The following DNAH14 variants were observed in gnomAD, a reference collection of about 807,000 sequenced individuals.
DNAH14 encodes the protein axonemal beta dynein heavy chain 14.
Under a neutral mutation model 520.9 loss-of-function variants are expected in DNAH14, and 478 were observed. The observed-to-expected ratio is 0.92, with a 90% confidence interval of 0.85 to 0.99. DNAH14 has a LOEUF of 0.99. DNAH14 is among the 50% of genes least tolerant of loss of function. The pLI, the probability that DNAH14 is intolerant of heterozygous loss-of-function variation, is 0.00. For missense variants in DNAH14, 4,831 were observed against 5,234.5 expected (o/e 0.92, Z 2.38); for synonymous variants, 1,581 against 1,757.2 (o/e 0.90, Z 2.51).
At chr1:225,254,554 CT>C (rs963482287) in intron 44 of DNAH14, among the ~76,000 whole-genome samples, 1 of 152,068 alleles carries the variant, frequency 6.6e-6, no homozygotes, top group African/African-American at 2.4e-5. Flanking sequence ...GAATTGGCTA[CT>C]TTTTGTCACT....
intron 10 of DNAH14, among the ~76,000 whole-genome samples, chr1:225,018,719 C>T (rs2065415636): frequency 1.3e-5 from 2 of 152,192 alleles, no homozygotes; most frequent in South Asian, 4.1e-4. Flanking sequence ...AGAAACCTTA[C>T]AAGTCTACAG....
intron 3 of DNAH14, 116 bp downstream of exon 3, chr1:224,955,214 G>T: frequency 8.8e-7 from 1 of 1,139,204 alleles, no homozygotes; most frequent in Non-Finnish European, 1.3e-6. Flanking sequence ...TGAAATATTA[G>T]TGTCTATTTT....
intron 12 of DNAH14, 122 bp downstream of exon 12, chr1:225,038,945 C>A: frequency 3.2e-6 from 2 of 616,276 alleles, no homozygotes; most frequent in Non-Finnish European, 5.0e-6. Context: ...CCCTCGCCAA[C>A]ACACACACAC....
chr1:224,938,033 A>G (rs1032675676), intron 1 of DNAH14, among the ~76,000 whole-genome samples: 2 of 152,162 alleles, frequency 1.3e-5, no homozygotes, highest in Middle Eastern at 3.2e-3. Context: ...ATCTCTCACC[A>G]TACACAAAAA....
At chr1:225,079,583 A>G (rs952100265) in intron 18 of DNAH14, 35 bp downstream of exon 18, 1 of 1,435,474 alleles carries the variant, frequency 7.0e-7, no homozygotes, top group Non-Finnish European at 9.3e-7. Flanking sequence ...TTTTTTTTTT[A>G]TTAAAAACTT....
chr1:225,016,766 G>A (rs1166829575), intron 10 of DNAH14, among the ~76,000 whole-genome samples: 1 of 149,758 alleles, frequency 6.7e-6, no homozygotes, highest in East Asian at 2.0e-4. Flanking sequence ...GTCTGCCTGT[G>A]TTATTTCAAA....
chr1:225,259,062 G>A, intron 45 of DNAH14, 59 bp from the exon 46 acceptor site: 1 of 1,434,668 alleles, frequency 7.0e-7, no homozygotes. Flanking sequence ...TCATTTTAAT[G>A]TGTTAACATG....
intron 44 of DNAH14, 57 bp from the exon 45 acceptor site, chr1:225,257,903 A>T: frequency 3.3e-4 from 347 of 1,049,702 alleles, no homozygotes; most frequent in Non-Finnish European, 4.3e-4. Flanking sequence ...AAAAAAAAAG[A>T]TGAGGTGAAT....
Position 225,380,231 on chromosome 1 carries a change from G to A in DNAH14, c.12789G>A (p.Val4263=), listed in dbSNP as rs2095763136. 6.4e-7 allele frequency: 1 copy of A among 1,551,530 alleles called. No individual in the cohort carries two copies. The highest frequency in any genetic ancestry group is 8.7e-7 in the Non-Finnish European group (1 of 1,146,984). ...SDLLKRLPLT[V]EKEEIAVGTP... ...TGCTAAAGCGGCTGCCACTGACAGT[G>A]GAGAAAGAAGAAATTGCTGTTGGAA... is the stretch of plus-strand genomic sequence containing the variant. The change falls in exon 80 of 86, where the codon GTG becomes GTA. Residue 4263 remains valine, a synonymous_variant. Coordinates refer to ENST00000682510, the MANE Select transcript of DNAH14 (RefSeq NM_001367479.1).
chr1:225,045,346 C>G (rs2067860998), intron 15 of DNAH14, among the ~76,000 whole-genome samples: 2 of 151,380 alleles, frequency 1.3e-5, no homozygotes, highest in Admixed American at 6.6e-5. Flanking sequence ...TCTGTATACT[C>G]TTTATATGCT....
chr1:225,196,063 G>A (rs2086092475), intron 38 of DNAH14, among the ~76,000 whole-genome samples: 1 of 151,762 alleles, frequency 6.6e-6, no homozygotes, highest in Non-Finnish European at 1.5e-5. Flanking sequence ...GGTGGTATTT[G>A]GATACATGAG....
rs752542634 is a variant in DNAH14, at chr1:225,159,343, A to T, written c.5303A>T (p.Asp1768Val). The T allele has an allele frequency of 8.4e-6, 13 of 1,551,464 alleles. No homozygotes were observed. In the African/African-American group the frequency reaches 1.8e-4, roughly 21 times the overall value. The part of the protein sequence containing the change: ...CDTSDSLSEA[D>V]ETLIVIEAIR... The stretch of plus-strand genomic sequence containing the variant: ...ACCAGTGACAGTCTTTCTGAAGCAG[A>T]TGAAACCTTGATTGTTATCGAGGCT... The change falls in exon 35 of 86, where the codon GAT (aspartate) becomes GTT (valine). Residue 1768 changes from aspartate (D) to valine (V), a missense_variant. Coordinates refer to ENST00000682510, the MANE Select transcript of DNAH14 (RefSeq NM_001367479.1).
chr1:225,318,293 AGGGCATT>A (rs2094501309), intron 60 of DNAH14, among the ~76,000 whole-genome samples: 1 of 152,210 alleles, frequency 6.6e-6, no homozygotes, highest in African/African-American at 2.4e-5. Context: ...ATTCCTCAAA[AGGGCATT>A]GTTAATTCTA....
intron 75 of DNAH14, 96 bp downstream of exon 75, chr1:225,360,987 G>T: frequency 8.9e-7 from 1 of 1,123,576 alleles, no homozygotes; most frequent in Non-Finnish European, 1.3e-6. Flanking sequence ...GTAAACAATA[G>T]CAAAATAATG....
intron 23 of DNAH14, among the ~76,000 whole-genome samples, chr1:225,106,644 G>A (rs566302522): frequency 1.3e-5 from 2 of 151,824 alleles, no homozygotes; most frequent in African/African-American, 2.4e-5. Flanking sequence ...CTTCCATCAC[G>A]GATACTCTTT....
chr1:225,034,806 G>C (rs1013355143), intron 11 of DNAH14, among the ~76,000 whole-genome samples: 7 of 152,066 alleles, frequency 4.6e-5, no homozygotes, highest in Non-Finnish European at 1.0e-4. Context: ...TCTTGTGAGG[G>C]CGTATGTGTC....
intron 41 of DNAH14, among the ~76,000 whole-genome samples, chr1:225,210,362 G>C: frequency 6.6e-6 from 1 of 152,110 alleles, no homozygotes; most frequent in East Asian, 1.9e-4. Context: ...TGAATAGGCA[G>C]TTTTCCCCTC....
chr1:225,098,867 T>G (rs1366016192), intron 22 of DNAH14, among the ~76,000 whole-genome samples: 1 of 152,188 alleles, frequency 6.6e-6, no homozygotes, highest in Admixed American at 6.5e-5. Context: ...TGTTTTCAAC[T>G]ATGGATTCTG....
chr1:225,321,639 C>T (rs1003131415), intron 61 of DNAH14, among the ~76,000 whole-genome samples: 1 of 152,196 alleles, frequency 6.6e-6, no homozygotes, highest in African/African-American at 2.4e-5. Context: ...CCATCACCCC[C>T]TTGTGATTTC....
Sources: allele counts gnomAD v4.1 joint callset (sites outside exome capture counted in the v4.1 genomes callset), GRCh38; gene constraint gnomAD v4.1.1; transcripts MANE v1.5; gene names NCBI Gene and HGNC (gene_info 2026-07-23, HGNC 2026-07-21).